Variants in SLC44A5 observed in about 807,000 individuals in gnomAD.
SLC44A5 encodes choline transporter-like protein 5.
Under a neutral mutation model 101.8 loss-of-function variants are expected in SLC44A5, and 57 were observed. That is an observed-to-expected ratio of 0.56 (90% confidence interval 0.45 to 0.70). SLC44A5 has a LOEUF of 0.70. SLC44A5 is among the 30% of genes least tolerant of loss of function. The probability of loss-of-function intolerance (pLI) is 0.00; values close to 1 mark genes in which losing one functional copy is unlikely to be tolerated. For synonymous variants in SLC44A5, 281 were observed against 290.9 expected, an observed-to-expected ratio of 0.97 and a Z score of 0.35; for missense variants, 737 against 853.1, an observed-to-expected ratio of 0.86 and a Z score of 1.70.
At chr1:75,666,739 C>T in the SLC44A5 span, among the ~76,000 whole-genome samples, 6 of 151,902 alleles carry the variant, frequency 3.9e-5, no homozygotes, top group African/African-American at 7.2e-5. Context: ...ATCTTGTCCA[C>T]GATCAAGTCA....
At chr1:75,644,891 G>GT in the SLC44A5 span, among the ~76,000 whole-genome samples, 2 of 151,276 alleles carry the variant, frequency 1.3e-5, no homozygotes, top group Non-Finnish European at 2.9e-5. Context: ...GCGGTGTTTG[G>GT]TTTTTTGTCC....
rs576461225 is a variant in SLC44A5, at chr1:75,537,777, A to C, written c.13+3658T>G. 4.6e-5 allele frequency among the ~76,000 whole-genome samples: 7 copies of C among 152,334 alleles called. No homozygotes were observed. The East Asian group carries it at 1.4e-3, about 29-fold the overall frequency. Reference sequence around the variant, plus strand: ...TAAAGAATTGTTGCTTGTTTCTTACACATAAATATAAAACTTCTTTCATTC... The same window carrying C: ...TAAAGAATTGTTGCTTGTTTCTTACCCATAAATATAAAACTTCTTTCATTC... On this transcript the variant is annotated intron_variant, in intron 2 of 23. Transcript: ENST00000370859.
intron 1 of SLC44A5, among the ~76,000 whole-genome samples, chr1:75,557,549 G>T (rs972057818): frequency 6.6e-6 from 1 of 151,988 alleles, no homozygotes; most frequent in African/African-American, 2.4e-5. Context: ...CTTTGTCAGG[G>T]TAATTTTCCA....
chr1:75,581,894 G>A (rs990019571), intron 1 of SLC44A5, among the ~76,000 whole-genome samples: 1 of 152,206 alleles, frequency 6.6e-6, no homozygotes, highest in African/African-American at 2.4e-5. Flanking sequence ...GAGGCAGTCT[G>A]AGTCCTCGCC....
At chr1:75,210,338 GT>G (rs1475534099) in intron 23 of SLC44A5, among the ~76,000 whole-genome samples, 1 of 152,050 alleles carries the variant, frequency 6.6e-6, no homozygotes, top group Non-Finnish European at 1.5e-5. Context: ...AAGATTACAG[GT>G]ATGAGCCACA....
chr1:75,456,843 G>C (rs1373415128), intron 2 of SLC44A5, among the ~76,000 whole-genome samples: 1 of 152,224 alleles, frequency 6.6e-6, no homozygotes, highest in Non-Finnish European at 1.5e-5. Context: ...GCTTGCCACA[G>C]TTATAAGAAG....
intron 2 of SLC44A5, among the ~76,000 whole-genome samples, chr1:75,486,566 T>G (rs955350884): frequency 1.3e-5 from 2 of 152,184 alleles, no homozygotes; most frequent in African/African-American, 4.8e-5. Context: ...TTAGAGTCGA[T>G]CAGCCTTTTT....
chr1:75,495,834 T>C (rs928071898), intron 2 of SLC44A5, among the ~76,000 whole-genome samples: 2 of 152,176 alleles, frequency 1.3e-5, no homozygotes, highest in African/African-American at 2.4e-5. Context: ...ATATAGGATG[T>C]GTATATACTT....
chr1:75,668,409 C>T, the SLC44A5 span, among the ~76,000 whole-genome samples: 1 of 145,294 alleles, frequency 6.9e-6, no homozygotes, highest in South Asian at 2.2e-4. Context: ...CATGCAACCT[C>T]GACCTCCTGG....
intron 3 of SLC44A5, among the ~76,000 whole-genome samples, chr1:75,350,531 A>C (rs1658567402): frequency 6.6e-6 from 1 of 150,700 alleles, no homozygotes; most frequent in Admixed American, 6.7e-5. Context: ...AAAAGATAAA[A>C]GTGTCACACT....
intron 4 of SLC44A5, among the ~76,000 whole-genome samples, chr1:75,312,961 CA>C (rs1655423441): frequency 6.6e-6 from 1 of 152,166 alleles, no homozygotes; most frequent in Non-Finnish European, 1.5e-5. Flanking sequence ...CTCCTGATTA[CA>C]ATTTCAGTTC....
At chr1:75,446,105 C>A (rs1207296493) in intron 2 of SLC44A5, among the ~76,000 whole-genome samples, 2 of 152,312 alleles carry the variant, frequency 1.3e-5, no homozygotes, top group African/African-American at 4.8e-5. Flanking sequence ...TTCTCTGACC[C>A]CCCATTAGTT....
At chr1:75,506,303 C>G (rs899376478) in intron 2 of SLC44A5, among the ~76,000 whole-genome samples, 1 of 152,060 alleles carries the variant, frequency 6.6e-6, no homozygotes, top group Non-Finnish European at 1.5e-5. Flanking sequence ...AAGCTTTGTT[C>G]TTTTTGCTTA....
At chr1:75,351,085 C>A (rs1240685194) in intron 3 of SLC44A5, among the ~76,000 whole-genome samples, 2 of 149,398 alleles carry the variant, frequency 1.3e-5, no homozygotes, top group African/African-American at 4.9e-5. Context: ...CAGCAAAACT[C>A]GCAATTACTT....
chr1:75,272,068 G>A (rs909247825), intron 6 of SLC44A5, among the ~76,000 whole-genome samples: 16 of 151,952 alleles, frequency 1.1e-4, no homozygotes, highest in Non-Finnish European at 2.4e-4. Context: ...GATGATTAGT[G>A]TGTTGGGCAT....
the SLC44A5 span, among the ~76,000 whole-genome samples, chr1:75,700,584 A>T: frequency 4.6e-5 from 7 of 152,318 alleles, no homozygotes; most frequent in African/African-American, 1.7e-4. Context: ...CTCTAACATC[A>T]CAATTAAAAG....
At chr1:75,669,169 T>G in the SLC44A5 span, among the ~76,000 whole-genome samples, 1 of 151,620 alleles carries the variant, frequency 6.6e-6, no homozygotes, top group African/African-American at 2.4e-5. Flanking sequence ...GAGCTCATTT[T>G]CTTGAGTTGT....
intron 4 of SLC44A5, among the ~76,000 whole-genome samples, chr1:75,333,094 T>C (rs1429677551): frequency 6.6e-6 from 1 of 152,156 alleles, no homozygotes; most frequent in African/African-American, 2.4e-5. Context: ...AGGTCCTGTG[T>C]TGTAAAAATG....
chr1:75,709,188 C>A, the SLC44A5 span, among the ~76,000 whole-genome samples: 13 of 152,286 alleles, frequency 8.5e-5, no homozygotes, highest in African/African-American at 2.9e-4. Flanking sequence ...CAAATATACA[C>A]GGCTCCCTTT....
Sources: allele counts gnomAD v4.1 joint callset (sites outside exome capture counted in the v4.1 genomes callset), GRCh38; gene constraint gnomAD v4.1.1; transcripts MANE v1.5; gene names NCBI Gene and HGNC (gene_info 2026-07-23, HGNC 2026-07-21).